PLSCR4: variants seen among roughly 807,000 people sequenced by gnomAD.
The protein encoded by PLSCR4 is phospholipid scramblase 4.
A neutral mutation model predicts 36.3 loss-of-function variants in PLSCR4; 25 were observed. That is an observed-to-expected ratio of 0.69 (90% CI 0.50 to 0.96). PLSCR4 has a LOEUF of 0.96. Ranked by LOEUF, PLSCR4 falls within the 40% of genes least tolerant of loss-of-function variation. PLSCR4 has a pLI of 0.00. For missense variants in PLSCR4, 408 were observed against 414.7 expected (o/e 0.98, Z 0.14); for synonymous variants, 122 against 132.9 (o/e 0.92, Z 0.56).
chr3:146,201,007 T>A, intron 5 of PLSCR4, 28 bp downstream of exon 5: 1 of 1,433,206 alleles, frequency 7.0e-7, no homozygotes, highest in Non-Finnish European at 9.5e-7. Flanking sequence ...ATTAAAATAC[T>A]GCTGAGCACT....
chr3:146,246,480 T>C (rs2036344138), intron 1 of PLSCR4, among the ~76,000 whole-genome samples: 1 of 152,206 alleles, frequency 6.6e-6, no homozygotes, highest in African/African-American at 2.4e-5. Flanking sequence ...TGAAAGCAAA[T>C]TGATAGCCAC....
In PLSCR4 at chr3:146,220,843, A is replaced by T. The variant is rs767060710; in HGVS notation, c.90T>A (p.Pro30=). ...TKPPDPRPDA[P]PEYNSHFLPG... ...GTAAAAAATGAGAATTGTATTCAGG[A>T]GGAGCATCAGGCCTTGGATCTGGTG... is the stretch of plus-strand genomic sequence containing the variant. The change falls in exon 3 of 9, where the codon CCT becomes CCA. Residue 30 remains proline, a synonymous_variant. Coordinates refer to ENST00000354952, the MANE Select transcript of PLSCR4 (RefSeq NM_020353.3). 33 of 1,611,432 alleles carry T rather than the reference A, an allele frequency of 2.0e-5. No individual in the cohort carries two copies. The South Asian group carries it at 3.5e-4, about 17-fold the overall frequency.
At chr3:146,247,875 G>A (rs2036401328) in intron 1 of PLSCR4, among the ~76,000 whole-genome samples, 1 of 152,110 alleles carries the variant, frequency 6.6e-6, no homozygotes, top group Non-Finnish European at 1.5e-5. Context: ...GCCCACCCCT[G>A]CCTCTCAAAG....
chr3:146,243,526 CA>C (rs1255078822), intron 1 of PLSCR4, among the ~76,000 whole-genome samples: 2 of 152,060 alleles, frequency 1.3e-5, no homozygotes, highest in Non-Finnish European at 2.9e-5. Flanking sequence ...TCCAAAAGTC[CA>C]AAATCTGAAA....
intron 2 of PLSCR4, among the ~76,000 whole-genome samples, chr3:146,221,606 A>C (rs538286018): frequency 1.3e-5 from 2 of 152,326 alleles, no homozygotes; most frequent in East Asian, 3.9e-4. Context: ...TTCCTAAACA[A>C]CCAGTTGACT....
At chr3:146,229,472 A>C (rs2035609242) in intron 1 of PLSCR4, among the ~76,000 whole-genome samples, 1 of 152,024 alleles carries the variant, frequency 6.6e-6, no homozygotes, top group Admixed American at 6.6e-5. Context: ...TGTGCTGGGA[A>C]TGTGATGAAT....
chr3:146,218,475 G>T (rs1474614498), intron 3 of PLSCR4, among the ~76,000 whole-genome samples: 1 of 151,338 alleles, frequency 6.6e-6, no homozygotes, highest in Non-Finnish European at 1.5e-5. Flanking sequence ...TTCGTATAGA[G>T]ATTATATTTT....
intron 1 of PLSCR4, among the ~76,000 whole-genome samples, chr3:146,224,302 C>G (rs1204546812): frequency 6.6e-6 from 1 of 152,208 alleles, no homozygotes; most frequent in Non-Finnish European, 1.5e-5. Flanking sequence ...CAAATTATAG[C>G]TGTGCACGTG....
chr3:146,229,286 G>T, intron 1 of PLSCR4, among the ~76,000 whole-genome samples: 1 of 152,186 alleles, frequency 6.6e-6, no homozygotes, highest in East Asian at 1.9e-4. Context: ...GAATCATGAT[G>T]TGATTAGAGA....
rs926430967 is a variant in PLSCR4, at chr3:146,200,944, C to T, written c.397+91G>A. 1.0e-5 allele frequency: 8 copies of T among 782,538 alleles called. No homozygotes were observed. The African/African-American group carries it at 1.3e-4, about 13-fold the overall frequency. 48.5% of individuals were successfully genotyped at this position (782,538 alleles called of 1,614,324 possible). On this transcript the variant is annotated intron_variant, in intron 5 of 8. Transcript: ENST00000354952. ...TTTTTTTTTCTTTGAGCCACTAAAA[C>T]ATGATCAATATAAAGAAGGAACTAG...
chr3:146,219,785 C>T (rs1262554041), intron 3 of PLSCR4, among the ~76,000 whole-genome samples: 1 of 151,916 alleles, frequency 6.6e-6, no homozygotes, highest in Non-Finnish European at 1.5e-5. Context: ...AAATAAAAAA[C>T]AAAAATTAGC....
At chr3:146,244,333 A>G (rs769651465) in intron 1 of PLSCR4, among the ~76,000 whole-genome samples, 1 of 152,122 alleles carries the variant, frequency 6.6e-6, no homozygotes, top group Non-Finnish European at 1.5e-5. Flanking sequence ...ATACCTCATT[A>G]TGTACATGCA....
At chr3:146,223,437 A>ATT (rs1295621222) in intron 1 of PLSCR4, among the ~76,000 whole-genome samples, 2 of 152,210 alleles carry the variant, frequency 1.3e-5, no homozygotes, top group East Asian at 3.8e-4. Flanking sequence ...TAATGTGTAA[A>ATT]TGGCCAACCC....
chr3:146,229,610 T>C (rs1009482954), intron 1 of PLSCR4, among the ~76,000 whole-genome samples: 10 of 112,646 alleles, frequency 8.9e-5, no homozygotes, highest in Middle Eastern at 4.2e-3. Context: ...TATTTATTTA[T>C]TTATTTATTT....
At chr3:146,225,625 G>A (rs1220536686) in intron 1 of PLSCR4, among the ~76,000 whole-genome samples, 1 of 152,148 alleles carries the variant, frequency 6.6e-6, no homozygotes, top group Non-Finnish European at 1.5e-5. Flanking sequence ...AGCACCGGTG[G>A]GCTGGCACTG....
Position 146,192,947 on chromosome 3 carries a change from C to T in PLSCR4, c.*1464G>A, listed in dbSNP as rs1052536217. ...CTTTCATTTCAAAAAGAACTGTAGG[C>T]TAAGACCCTCATCTCAGAATAACCC... On this transcript the variant is annotated 3_prime_UTR_variant, in exon 9 of 9. Transcript: ENST00000354952. 27 of 152,066 alleles carry T rather than the reference C, an allele frequency of 1.8e-4. No individual in the cohort carries two copies. Among genetic ancestry groups the T allele is most frequent in the African/African-American group, 5.5e-4 (23 of 41,502 alleles). 9.4% of individuals were successfully genotyped at this position (152,066 alleles called of 1,614,324 possible).
At chr3:146,246,757 A>C (rs2036353374) in intron 1 of PLSCR4, among the ~76,000 whole-genome samples, 1 of 152,192 alleles carries the variant, frequency 6.6e-6, no homozygotes, top group African/African-American at 2.4e-5. Flanking sequence ...GTCATGTTGC[A>C]TACAGTTAAG....
At chr3:146,238,160 G>A (rs1016859904) in intron 1 of PLSCR4, among the ~76,000 whole-genome samples, 7 of 150,804 alleles carry the variant, frequency 4.6e-5, no homozygotes, top group African/African-American at 1.7e-4. Context: ...AACCTGAATA[G>A]AACTGTAATA....
intron 1 of PLSCR4, among the ~76,000 whole-genome samples, chr3:146,247,550 A>G (rs2036385784): frequency 6.6e-6 from 1 of 152,180 alleles, no homozygotes; most frequent in Non-Finnish European, 1.5e-5. Context: ...TGTCTTCTTT[A>G]TATGAAAGGT....
Sources: gnomAD v4.1 joint callset for allele counts (sites outside exome capture counted in the v4.1 genomes callset) on GRCh38, gnomAD v4.1.1 for gene constraint, MANE v1.5 for transcripts, NCBI Gene and HGNC (gene_info 2026-07-23, HGNC 2026-07-21) for gene names.